Variants in ZNF829 observed in about 807,000 individuals in gnomAD.
ZNF829 encodes the protein zinc finger protein 829.
Under a neutral mutation model 35.2 loss-of-function variants are expected in ZNF829, and 25 were observed. The ratio of observed to expected loss-of-function variants is 0.71; its 90% CI spans 0.52 to 0.99. ZNF829 has a LOEUF of 0.99. Ranked by LOEUF, ZNF829 falls within the 50% of genes least tolerant of loss-of-function variation. The probability of loss-of-function intolerance (pLI) is 0.00; values close to 1 mark genes in which losing one functional copy is unlikely to be tolerated. For missense variants in ZNF829, 417 were observed against 515.3 expected (o/e 0.81, Z 1.85); for synonymous variants, 136 against 163.2 (o/e 0.83, Z 1.27).
Position 36,891,251 on chromosome 19 carries a change from C to T in ZNF829, c.*241G>A. ...AGGCATAGAACAGATCCTCAGAGTC[C>T]TCAGAAGGAACCAAAACGATCAGCA... On this transcript the variant is annotated 3_prime_UTR_variant, in exon 6 of 6. Transcript: ENST00000391711. 2.3e-6 allele frequency: 1 copy of T among 428,622 alleles called. No individual in the cohort carries two copies. The highest frequency in any genetic ancestry group is 4.1e-6 in the Non-Finnish European group (1 of 246,538). The allele number at this position is 428,622 out of a possible 1,614,324, so 26.6% of individuals were successfully genotyped here.
intron 5 of ZNF829, chr19:36,906,170 G>A (rs1361490868): frequency 6.6e-6 from 1 of 152,140 alleles, no homozygotes; most frequent in Non-Finnish European, 1.5e-5. Context: ...AGACCTTGGG[G>A]TAGGCAATGA....
chr19:36,909,999 C>G (rs1326040786), intron 3 of ZNF829, among the ~76,000 whole-genome samples: 2 of 151,670 alleles, frequency 1.3e-5, no homozygotes, highest in Non-Finnish European at 2.9e-5. Context: ...AGAGAAACAG[C>G]AAAAAGAGTA....
intron 5 of ZNF829, chr19:36,902,168 A>AC: frequency 4.0e-6 from 1 of 247,588 alleles, no homozygotes; most frequent in Non-Finnish European, 7.7e-6. Context: ...CAAAAAAAAA[A>AC]GAAAAAAAAA....
rs1338719295 is a variant in ZNF829 at position 36,915,245 on chromosome 19, A to G, written c.-78T>C. On this transcript the variant is annotated 5_prime_UTR_variant, in exon 2 of 6. Coordinates refer to ENST00000391711, the MANE Select transcript of ZNF829 (RefSeq NM_001037232.4). ...GTTGGAATCTGACCAGACCTCAGAG[A>G]GGTTTCCTAGAGACAGAGTTCTGGA... is the stretch of plus-strand genomic sequence containing the variant. 6.2e-7 allele frequency: 1 copy of G among 1,611,822 alleles called. No homozygotes were observed. Among genetic ancestry groups the G allele is most frequent in the Admixed American group, 1.7e-5 (1 of 59,678 alleles).
Position 36,907,965 on chromosome 19 carries a change from T to C in ZNF829, c.283A>G (p.Met95Val), listed in dbSNP as rs2146245837. Residue 95 changes from methionine to valine, a missense_variant, in exon 5 of 6, where the codon ATG becomes GTG. Physicochemically the swap from Met to Val is conservative, Grantham distance 21. Transcript: ENST00000391711. ...SLLEQGKEPW[M>V]VDRELTRGLC... ...CCTCTAGTCAGCTCTCTATCAACCA[T>C]CCAGGGCTCTTTTCCTTGTTCCAAT... 5 of 1,614,034 alleles carry C rather than the reference T, an allele frequency of 3.1e-6. No individual in the cohort carries two copies. Among genetic ancestry groups the C allele is most frequent in the Non-Finnish European group, 4.2e-6 (5 of 1,179,972 alleles).
At chr19:36,901,767 A>G in intron 5 of ZNF829, 1 of 553,390 alleles carries the variant, frequency 1.8e-6, no homozygotes, top group Non-Finnish European at 3.3e-6. Flanking sequence ...AAGGGTGGTG[A>G]GAAGAAAAAG....
Position 36,916,146 on chromosome 19 carries a change from G to A in ZNF829, c.-220C>T. 1 of 539,456 alleles carries A rather than the reference G, an allele frequency of 1.9e-6. No individual in the cohort carries two copies. The highest frequency in any genetic ancestry group is 2.4e-5 in the South Asian group (1 of 41,152). The allele number at this position is 539,456 out of a possible 1,614,324, so 33.4% of individuals were successfully genotyped here. A position where few individuals can be genotyped will look rare whatever the true frequency, so the allele number is the denominator to read the frequency against. On this transcript the variant is annotated 5_prime_UTR_variant, in exon 1 of 6. Coordinates refer to ENST00000391711, the MANE Select transcript of ZNF829 (RefSeq NM_001037232.4). This position sits in a 1 kb window ranked among gnomAD's most constrained non-coding sequence, Gnocchi z 5.3. ...CGATTCCTGTCAGCTCCTCGCCTGGGCCCACCCGAAACGGCTGCTCCCTCA... is the reference window on the plus strand; with the variant it reads ...CGATTCCTGTCAGCTCCTCGCCTGGACCCACCCGAAACGGCTGCTCCCTCA...
chr19:36,905,828 T>C (rs2073211023), intron 5 of ZNF829: 1 of 151,998 alleles, frequency 6.6e-6, no homozygotes, highest in Non-Finnish European at 1.5e-5. Flanking sequence ...TGCTACAGTA[T>C]TAATATAGTG....
intron 5 of ZNF829, among the ~76,000 whole-genome samples, chr19:36,896,335 T>G (rs2073112995): frequency 6.7e-6 from 1 of 149,942 alleles, no homozygotes; most frequent in African/African-American, 2.5e-5. Context: ...AAAAAAAAAT[T>G]AGCTGGGCGT....
chr19:36,894,728 G>GT (rs1463571525), intron 5 of ZNF829, among the ~76,000 whole-genome samples: 1 of 151,952 alleles, frequency 6.6e-6, no homozygotes, highest in Admixed American at 6.6e-5. Flanking sequence ...TGAGGACAGG[G>GT]TTTTTTAAAA....
rs1217082032 is a variant in ZNF829 at position 36,915,990 on chromosome 19, CT to C, written c.-85+20del. The stretch of plus-strand genomic sequence containing the variant: ...AACTTGCAGACCTGAGCCAGTTCTC[CT>C]GGGGACCAAAATATCTCACCTCCCA... On this transcript the variant is annotated intron_variant, in intron 1 of 5. Coordinates refer to ENST00000391711, the MANE Select transcript of ZNF829 (RefSeq NM_001037232.4). 6.8e-7 allele frequency: 1 copy of C among 1,471,310 alleles called. No homozygotes were observed. The highest frequency in any genetic ancestry group is 1.3e-5 in the South Asian group (1 of 79,878). The allele number at this position is 1,471,310 out of a possible 1,614,324, so 91.1% of individuals were successfully genotyped here.
chr19:36,914,446 G>A (rs1037738858), intron 3 of ZNF829, among the ~76,000 whole-genome samples: 1 of 152,048 alleles, frequency 6.6e-6, no homozygotes, highest in Non-Finnish European at 1.5e-5. Flanking sequence ...ATAAACATAT[G>A]GAATATGTTC....
chr19:36,902,371 A>T (rs2073175158), intron 5 of ZNF829, among the ~76,000 whole-genome samples: 1 of 152,224 alleles, frequency 6.6e-6, no homozygotes, highest in Non-Finnish European at 1.5e-5. Flanking sequence ...GCTGTGGCTC[A>T]CGCCTGTAAT....
At position 36,910,938 on chromosome 19, in the gene ZNF829, C is replaced by T. The variant is rs558780472; in HGVS notation, c.97-2479G>A. ...AGGAGAATTGCTTGAACCCGGGAGG[C>T]GGAGGTTGCAGTGAGCCGAGATTGT... On this transcript the variant is annotated intron_variant, in intron 3 of 5. Coordinates refer to ENST00000391711, the MANE Select transcript of ZNF829 (RefSeq NM_001037232.4). 1.1e-4 allele frequency among the ~76,000 whole-genome samples: 17 copies of T among 152,174 alleles called. No individual in the cohort carries two copies. In the South Asian group the frequency reaches 3.5e-3, roughly 32 times the overall value.
intron 3 of ZNF829, among the ~76,000 whole-genome samples, chr19:36,912,322 A>G (rs10408951): frequency 0.16 from 24,577 of 152,152 alleles, 2,500 homozygotes; most frequent in African/African-American, 0.28. Flanking sequence ...ATTATAGTCT[A>G]TACCAGTTCT....
intron 3 of ZNF829, among the ~76,000 whole-genome samples, chr19:36,913,324 C>T (rs954427648): frequency 1.3e-5 from 2 of 152,178 alleles, no homozygotes; most frequent in Non-Finnish European, 2.9e-5. Flanking sequence ...CTTGAGAAAA[C>T]ATTGTCACTA....
chr19:36,905,458 A>C (rs1305404357), intron 5 of ZNF829: 1 of 150,432 alleles, frequency 6.6e-6, no homozygotes. Flanking sequence ...CTTTTGTGAG[A>C]CCAAGTTTTG....
At position 36,892,797 on chromosome 19, in the gene ZNF829, T is replaced by A. The variant is rs1012126936; in HGVS notation, c.320-326A>T. 7.3e-4 allele frequency: 398 copies of A among 545,230 alleles called. 1 individual carries two copies. Among genetic ancestry groups the A allele is most frequent in the South Asian group, 1.8e-3 (22 of 11,978 alleles). The allele number at this position is 545,230 out of a possible 1,614,324, so 33.8% of individuals were successfully genotyped here. Reference sequence around the variant, plus strand: ...AGAGATTCTAATTAAAAAAAAAAAATTTTTTTTGCCCCCACCCCAGATCCC... The same window carrying A: ...AGAGATTCTAATTAAAAAAAAAAAAATTTTTTTGCCCCCACCCCAGATCCC... On this transcript the variant is annotated intron_variant, in intron 5 of 5. Coordinates refer to ENST00000391711, the MANE Select transcript of ZNF829 (RefSeq NM_001037232.4).
chr19:36,900,148 ACACACACACACACAC>A (rs2073151687), intron 5 of ZNF829, among the ~76,000 whole-genome samples: 31 of 16,712 alleles, frequency 1.9e-3, no homozygotes, highest in African/African-American at 2.6e-3. Context: ...TCTACTAAAC[ACACACACACACACAC>A]ACACACACAC....
Sources: allele counts gnomAD v4.1 joint callset (sites outside exome capture counted in the v4.1 genomes callset), GRCh38; gene constraint gnomAD v4.1.1; non-coding constraint Gnocchi (gnomAD v3.1); transcripts MANE v1.5; gene names NCBI Gene and HGNC (gene_info 2026-07-23, HGNC 2026-07-21).